The following SHC2 variants were observed in gnomAD, a reference collection of about 807,000 sequenced individuals.
SHC2 encodes the protein SHC adaptor protein 2.
A neutral mutation model predicts 60.6 loss-of-function variants in SHC2; 62 were observed. The ratio of observed to expected loss-of-function variants is 1.02; its 90% CI spans 0.83 to 1.26. The LOEUF (loss-of-function observed/expected upper bound fraction) is 1.26, where lower values mean the gene tolerates loss of function less well. Ranked by LOEUF, SHC2 falls within the 50% of genes most tolerant of loss-of-function variation. The pLI is 0.00. For missense variants in SHC2, 873 were observed against 822.2 expected (o/e 1.06, Z -0.76); for synonymous variants, 375 against 372.4 (o/e 1.01, Z -0.08).
chr19:460,687 ACCCCGCGC>A lies in SHC2; in HGVS notation c.302_309del (p.Gly101ValfsTer70). ...CCCCGCCCGCCCCGCGACCCCCGCG[ACCCCGCGC>A]CCCGACAGCGGCTGAGCGCGGGCAG... On this transcript the variant is annotated frameshift_variant, in exon 1 of 13. Coordinates refer to ENST00000264554, the MANE Select transcript of SHC2 (RefSeq NM_012435.3). LOFTEE classifies it high-confidence loss of function. 3 of 1,038,622 alleles carry A rather than the reference ACCCCGCGC, an allele frequency of 2.9e-6. No homozygotes were observed. Among genetic ancestry groups the A allele is most frequent in the Non-Finnish European group, 3.4e-6 (3 of 870,240 alleles). 64.3% of individuals were successfully genotyped at this position (1,038,622 alleles called of 1,614,324 possible). A position where few individuals can be genotyped will look rare whatever the true frequency, so the allele number is the denominator to read the frequency against.
rs780331917 is a variant in SHC2 at position 460,515 on chromosome 19, TG to T, written c.468+13del. 7,125 of 706,052 alleles carry T rather than the reference TG, an allele frequency of 0.01. 154 individuals are homozygous for T. The African/African-American group carries it at 0.14, about 14-fold the overall frequency. 43.7% of individuals were successfully genotyped at this position (706,052 alleles called of 1,614,324 possible). On this transcript the variant is annotated intron_variant, in intron 1 of 12. Transcript: ENST00000264554. ...GCCGCGAACGGGCTCCCGGGGGGGG[TG>T]GGGGGGACTCACCCGCACGACGTAG... is the stretch of plus-strand genomic sequence containing the variant.
At chr19:418,878 TGGCAAAGGAGGCAAGGCCA>T in intron 12 of SHC2, 26 bp downstream of exon 12, 1 of 1,554,216 alleles carries the variant, frequency 6.4e-7, no homozygotes. Context: ...GAAAAGAATC[TGGCAAAGGAGGCAAGGCCA>T]GCGACCCACG....
intron 8 of SHC2, among the ~76,000 whole-genome samples, chr19:431,722 T>C (rs1197809264): frequency 5.3e-5 from 1 of 18,918 alleles, no homozygotes; most frequent in Non-Finnish European, 7.6e-5. Flanking sequence ...GGCAGATAGA[T>C]AGCGCTTCAT....
chr19:419,206 G>A (rs965302591), intron 11 of SHC2, 150 bp from the exon 12 acceptor site: 18 of 915,002 alleles, frequency 2.0e-5, no homozygotes, highest in South Asian at 4.3e-5. Context: ...ACCAGCCAAA[G>A]GATCGGCCTC....
chr19:445,265 G>A lies in SHC2; in HGVS notation c.469-4333C>T, dbSNP rs1267713143. On this transcript the variant is annotated intron_variant, in intron 1 of 12. Transcript: ENST00000264554. This position sits in a 1 kb window ranked among gnomAD's most constrained non-coding sequence, Gnocchi z 4.4. ...CCTTTGGGAGGTGAGGAGGCTATGA[G>A]GGCTCCACCCTCAGGACTGGGATCA... Among the ~76,000 whole-genome samples the A allele has an allele frequency of 6.6e-6, 1 of 152,168 alleles. No individual in the cohort carries two copies. Among genetic ancestry groups the A allele is most frequent in the African/African-American group, 2.4e-5 (1 of 41,440 alleles).
intron 8 of SHC2, among the ~76,000 whole-genome samples, chr19:431,384 G>T (rs1482050049): frequency 1.5e-5 from 2 of 131,724 alleles, no homozygotes; most frequent in Non-Finnish European, 3.2e-5. Flanking sequence ...CAGGCAGATA[G>T]ATGGCACTTC....
chr19:427,286 T>C (rs913809623), intron 9 of SHC2, among the ~76,000 whole-genome samples: 2 of 151,976 alleles, frequency 1.3e-5, no homozygotes, highest in African/African-American at 4.8e-5. Flanking sequence ...GCCTCCAGGG[T>C]GGACTGGCAC....
In SHC2 at chr19:454,896, G is replaced by A. The variant is rs957132604; in HGVS notation, c.468+5633C>T. On this transcript the variant is annotated intron_variant, in intron 1 of 12. Transcript: ENST00000264554. ...GAAGGCCCGTCCTGCCTCTCCCAGT[G>A]CTGGTGGTGGCCGGGGCTCCCTGAC... Among the ~76,000 whole-genome samples, 20 of 152,276 alleles carry A rather than the reference G, an allele frequency of 1.3e-4. 1 individual carries two copies. The highest frequency in any genetic ancestry group is 6.8e-3 in the Middle Eastern group (2 of 294).
At chr19:449,565 C>T (rs746432669) in intron 1 of SHC2, among the ~76,000 whole-genome samples, 14 of 152,016 alleles carry the variant, frequency 9.2e-5, no homozygotes, top group Non-Finnish European at 1.8e-4. Context: ...TATACCCTAG[C>T]GTGTTTGAGG....
At chr19:434,284 G>T in intron 8 of SHC2, among the ~76,000 whole-genome samples, 2 of 93,496 alleles carry the variant, frequency 2.1e-5, no homozygotes, top group African/African-American at 7.9e-5. Flanking sequence ...GAGATCATGA[G>T]TGAGTGAGAT....
chr19:438,076 C>T lies in SHC2; in HGVS notation c.720+642G>A, dbSNP rs1974764598. ...CTTGGCTCACTGCAACCTCCACTCC[C>T]AGGTTCAAGCGATTCTCCTGCCTCA... On this transcript the variant is annotated intron_variant, in intron 4 of 12. Transcript: ENST00000264554. This position sits in a 1 kb window ranked among gnomAD's most constrained non-coding sequence, Gnocchi z 5.0. Among the ~76,000 whole-genome samples the T allele has an allele frequency of 6.6e-6, 1 of 152,210 alleles. No homozygotes were observed. Among genetic ancestry groups the T allele is most frequent in the East Asian group, 1.9e-4 (1 of 5,192 alleles).
In SHC2 at chr19:418,909, C is replaced by T. The variant is rs1974210184; in HGVS notation, c.*5+14G>A. On this transcript the variant is annotated intron_variant, in intron 12 of 12. Transcript: ENST00000264554. The stretch of plus-strand genomic sequence containing the variant: ...AGGAGGCAAGGCCAGCGACCCACGG[C>T]GGCAGCCACACACCTGGCTCAGGGC... 9 of 1,576,338 alleles carry T rather than the reference C, an allele frequency of 5.7e-6. No homozygotes were observed. The highest frequency in any genetic ancestry group is 4.6e-5 in the East Asian group (2 of 43,500).
rs746596483 is a variant in SHC2, at chr19:430,762, G to A, written c.1111-15C>T. 1.9e-6 allele frequency: 3 copies of A among 1,612,310 alleles called. No individual in the cohort carries two copies. In the African/African-American group the frequency reaches 4.0e-5, roughly 22 times the overall value. On this transcript the variant is annotated splice_polypyrimidine_tract_variant and intron_variant, in intron 8 of 12. Transcript: ENST00000264554. Reference sequence around the variant, plus strand: ...GGAGATGGGCCCTGGAAACAGAGCAGTGAGAGGTTCCCCGGTGTGTGCAAG... The same window carrying A: ...GGAGATGGGCCCTGGAAACAGAGCAATGAGAGGTTCCCCGGTGTGTGCAAG...
At chr19:457,375 C>T (rs954755382) in intron 1 of SHC2, among the ~76,000 whole-genome samples, 2 of 152,240 alleles carry the variant, frequency 1.3e-5, no homozygotes, top group Non-Finnish European at 2.9e-5. Flanking sequence ...CTGCTGTGCC[C>T]CGTCTAGAAC....
intron 11 of SHC2, 186 bp from the exon 12 acceptor site, chr19:419,242 C>T (rs1277102457): frequency 1.5e-5 from 10 of 646,956 alleles, no homozygotes; most frequent in African/African-American, 1.3e-4. Flanking sequence ...CCCATGGGCA[C>T]GGGCTCTGAA....
At chr19:451,269 T>C (rs1419372405) in intron 1 of SHC2, among the ~76,000 whole-genome samples, 1 of 147,562 alleles carries the variant, frequency 6.8e-6, no homozygotes, top group Non-Finnish European at 1.5e-5. Context: ...GCCGTGGCTG[T>C]GCTGTATTTC....
Position 422,618 on chromosome 19 carries a change from C to T in SHC2, c.1310-162G>A. The T allele has an allele frequency of 3.2e-6, 2 of 633,268 alleles. No individual in the cohort carries two copies. The highest frequency in any genetic ancestry group is 5.4e-6 in the Non-Finnish European group (2 of 372,122). 39.2% of individuals were successfully genotyped at this position (633,268 alleles called of 1,614,324 possible). A position where few individuals can be genotyped will look rare whatever the true frequency, so the allele number is the denominator to read the frequency against. ...GTATCAGACTCGCACTCTGCCCAGC[C>T]CCGTGCGTGCGGTGGGCTCACATGT... On this transcript the variant is annotated intron_variant, in intron 10 of 12. Coordinates refer to ENST00000264554, the MANE Select transcript of SHC2 (RefSeq NM_012435.3). The surrounding 1 kb of genome is among the most constrained non-coding windows in gnomAD (Gnocchi z 5.0).
intron 1 of SHC2, among the ~76,000 whole-genome samples, chr19:444,185 T>C (rs1197618359): frequency 6.6e-6 from 1 of 152,064 alleles, no homozygotes; most frequent in Non-Finnish European, 1.5e-5. Flanking sequence ...GATGAGTAGA[T>C]GGATGAATGG....
chr19:421,436 AG>A (rs1974270947), intron 11 of SHC2, among the ~76,000 whole-genome samples: 1 of 131,526 alleles, frequency 7.6e-6, no homozygotes, highest in Non-Finnish European at 1.6e-5. Context: ...AGAAAAAGAG[AG>A]AAAAAAAGGA....
Sources: allele counts gnomAD v4.1 joint callset (sites outside exome capture counted in the v4.1 genomes callset), GRCh38; gene constraint gnomAD v4.1.1; non-coding constraint Gnocchi (gnomAD v3.1); transcripts MANE v1.5; gene names NCBI Gene and HGNC (gene_info 2026-07-23, HGNC 2026-07-21).